ARMC9: variants seen among roughly 807,000 people sequenced by gnomAD.
The protein encoded by ARMC9 is armadillo repeat containing 9.
In ARMC9, 94 loss-of-function variants were observed where a neutral mutation model predicts 107.0. The observed-to-expected ratio is 0.88, with a 90% CI of 0.74 to 1.04. ARMC9 has a LOEUF of 1.04. Ranked by LOEUF, ARMC9 falls within the 50% of genes least tolerant of loss-of-function variation. The pLI is 0.00. For synonymous variants in ARMC9, 380 were observed against 396.9 expected, an observed-to-expected ratio of 0.96 and a Z score of 0.51; for missense variants, 942 against 1,030.1, an observed-to-expected ratio of 0.91 and a Z score of 1.17.
chr2:231,240,347 C>T (rs78396253), intron 9 of ARMC9, among the ~76,000 whole-genome samples: 2,679 of 152,288 alleles, frequency 0.018, 84 homozygotes, highest in African/African-American at 0.062. Context: ...TTTTTAAAAG[C>T]ACTGCCATAG....
At chr2:231,219,767 T>C (rs1211132459) in intron 5 of ARMC9, among the ~76,000 whole-genome samples, 2 of 151,916 alleles carry the variant, frequency 1.3e-5, no homozygotes, top group African/African-American at 4.9e-5. Flanking sequence ...ACCTATTATA[T>C]TCTCCATGTC....
chr2:231,361,914 T>C (rs1217833061), intron 23 of ARMC9, among the ~76,000 whole-genome samples: 2 of 151,456 alleles, frequency 1.3e-5, no homozygotes, highest in African/African-American at 4.9e-5. Flanking sequence ...AGGAGGAGGA[T>C]GTAAGAGAAA....
At position 231,271,022 on chromosome 2, in the gene ARMC9, T is replaced by C. The variant is rs766828552; in HGVS notation, c.1160T>C (p.Val387Ala). Residue 387 changes from valine to alanine, a missense_variant, in exon 13 of 25, where the codon GTG becomes GCG. Val to Ala is a moderately conservative substitution (Grantham distance 64). Coordinates refer to ENST00000611582, the MANE Select transcript of ARMC9 (RefSeq NM_001352754.2). ...TTGCTGCACTCCACGAGCGACGTGG[T>C]GCGGCAGTACATGGCCAGGCTCATC... ...LQLLHSTSDV[V>A]RQYMARLINA... The C allele has an allele frequency of 7.4e-6, 12 of 1,614,076 alleles. No individual in the cohort carries two copies. The highest frequency in any genetic ancestry group is 1.0e-5 in the Non-Finnish European group (12 of 1,180,036).
At position 231,337,404 on chromosome 2, in the gene ARMC9, C is replaced by G. The variant is rs549251733; in HGVS notation, c.1878+5507C>G. Among the ~76,000 whole-genome samples, 31 of 139,038 alleles carry G rather than the reference C, an allele frequency of 2.2e-4. 1 individual carries two copies. The South Asian group carries it at 4.3e-3, about 19-fold the overall frequency. The allele number at this position is 139,038 out of a possible 152,430, so 91.2% of individuals were successfully genotyped here. A position where few individuals can be genotyped will look rare whatever the true frequency, so the allele number is the denominator to read the frequency against. Reference sequence around the variant, plus strand: ...CCTCCGCCTCCCAGGTTCGAGGATTCTCCTGCCTCAGCCTCCTGAGTAGCT... The same window carrying G: ...CCTCCGCCTCCCAGGTTCGAGGATTGTCCTGCCTCAGCCTCCTGAGTAGCT... On this transcript the variant is annotated intron_variant, in intron 20 of 24. Coordinates refer to ENST00000611582, the MANE Select transcript of ARMC9 (RefSeq NM_001352754.2).
chr2:231,253,376 A>G (rs2037477663), intron 9 of ARMC9, among the ~76,000 whole-genome samples: 2 of 152,002 alleles, frequency 1.3e-5, no homozygotes, highest in African/African-American at 2.4e-5. Flanking sequence ...CGGCCTCCCA[A>G]AGTGCTGGGT....
At chr2:231,327,289 G>C (rs2043393151) in intron 19 of ARMC9, among the ~76,000 whole-genome samples, 1 of 152,176 alleles carries the variant, frequency 6.6e-6, no homozygotes, top group Non-Finnish European at 1.5e-5. Context: ...TTCAAGATCA[G>C]AACGTTTCCA....
intron 9 of ARMC9, among the ~76,000 whole-genome samples, chr2:231,252,029 T>G (rs1037632050): frequency 2.0e-4 from 30 of 152,236 alleles, no homozygotes; most frequent in African/African-American, 4.8e-4. Flanking sequence ...TAATAATGTT[T>G]ATCAGACTGG....
intron 19 of ARMC9, among the ~76,000 whole-genome samples, chr2:231,298,395 G>GA (rs747975997): frequency 6.6e-6 from 1 of 152,120 alleles, no homozygotes; most frequent in South Asian, 2.1e-4. Flanking sequence ...AAGTTGGAGG[G>GA]AAAAAAGAGA....
Position 231,334,685 on chromosome 2 carries a change from G to T in ARMC9, c.1878+2788G>T, listed in dbSNP as rs1038207774. On this transcript the variant is annotated intron_variant, in intron 20 of 24. Transcript: ENST00000611582. ...ACGTGGAGCAGTAAGCGCTGAGGCC[G>T]GATGCACTCCCAGCACTGCCCCTGT... 2.6e-5 allele frequency among the ~76,000 whole-genome samples: 4 copies of T among 152,010 alleles called. No individual in the cohort carries two copies. The South Asian group carries it at 8.3e-4, about 32-fold the overall frequency.
intron 19 of ARMC9, among the ~76,000 whole-genome samples, chr2:231,328,389 CAAG>C (rs2043476865): frequency 1.3e-5 from 2 of 152,110 alleles, no homozygotes; most frequent in African/African-American, 2.4e-5. Flanking sequence ...TTTCACCGAA[CAAG>C]TTTTTAAGTT....
In ARMC9 at chr2:231,343,361, G is replaced by T. The variant is rs113751408; in HGVS notation, c.1879-1614G>T. ...GATAAACACAAAGGAATTTTCAGCA[G>T]AAATCAAAGATGAAATTCCAATGTT... On this transcript the variant is annotated intron_variant, in intron 20 of 24. Coordinates refer to ENST00000611582, the MANE Select transcript of ARMC9 (RefSeq NM_001352754.2). 7.8e-3 allele frequency among the ~76,000 whole-genome samples: 1,186 copies of T among 151,152 alleles called. 15 individuals are homozygous for T. Among genetic ancestry groups the T allele is most frequent in the African/African-American group, 0.027 (1,125 of 41,098 alleles).
rs1039171388 is a variant in ARMC9 at position 231,340,258 on chromosome 2, T to G, written c.1879-4717T>G. ...CAGAATTCTCTCAGCTCTGACAACA[T>G]GTGGTTTTTTTCTTCTGGTACCCGG... On this transcript the variant is annotated intron_variant, in intron 20 of 24. Coordinates refer to ENST00000611582, the MANE Select transcript of ARMC9 (RefSeq NM_001352754.2). 1.6e-4 allele frequency among the ~76,000 whole-genome samples: 25 copies of G among 152,198 alleles called. 1 individual carries two copies. Among genetic ancestry groups the G allele is most frequent in the Admixed American group, 1.5e-3 (23 of 15,280 alleles).
At chr2:231,235,521 C>A in intron 8 of ARMC9, 140 bp downstream of exon 8, 3 of 960,762 alleles carry the variant, frequency 3.1e-6, no homozygotes, top group Non-Finnish European at 4.5e-6. Flanking sequence ...TTCCAAAAGC[C>A]AACATGCATG....
At chr2:231,345,520 G>A (rs749594886) in intron 21 of ARMC9, among the ~76,000 whole-genome samples, 3 of 152,170 alleles carry the variant, frequency 2.0e-5, no homozygotes, top group Non-Finnish European at 4.4e-5. Context: ...ACTGGATGCT[G>A]TTTTAGCTGC....
chr2:231,347,942 A>C (rs2044879853), intron 21 of ARMC9, among the ~76,000 whole-genome samples: 1 of 152,234 alleles, frequency 6.6e-6, no homozygotes, highest in South Asian at 2.1e-4. Context: ...AAATCCTTTT[A>C]GGATTTTGAT....
At chr2:231,220,596 CA>C (rs71396668) in intron 5 of ARMC9, among the ~76,000 whole-genome samples, 2,044 of 66,158 alleles carry the variant, frequency 0.031, 14 homozygotes, top group Middle Eastern at 0.14. Flanking sequence ...GACTCCATCT[CA>C]AAAAAAAAAA....
chr2:231,243,794 G>A (rs1210028663), intron 9 of ARMC9, among the ~76,000 whole-genome samples: 1 of 152,200 alleles, frequency 6.6e-6, no homozygotes, highest in African/African-American at 2.4e-5. Context: ...ATATAAAGTT[G>A]ATTTATGATA....
rs2045434010 is a variant in ARMC9 at position 231,358,535 on chromosome 2, G to A, written c.2132-2219G>A. On this transcript the variant is annotated intron_variant, in intron 22 of 24. Coordinates refer to ENST00000611582, the MANE Select transcript of ARMC9 (RefSeq NM_001352754.2). The surrounding 1 kb of genome is among the most constrained non-coding windows in gnomAD (Gnocchi z 4.5). ...ACTCACCTTGCCCCAGGCCCATCCTGGCCCCAGGCAGCGCTCCCCACAGGT... is the reference window on the plus strand; with the variant it reads ...ACTCACCTTGCCCCAGGCCCATCCTAGCCCCAGGCAGCGCTCCCCACAGGT... 6.6e-6 allele frequency among the ~76,000 whole-genome samples: 1 copy of A among 152,110 alleles called. No homozygotes were observed. Among genetic ancestry groups the A allele is most frequent in the South Asian group, 2.1e-4 (1 of 4,820 alleles).
intron 13 of ARMC9, among the ~76,000 whole-genome samples, chr2:231,271,846 CA>C (rs2039351466): frequency 1.3e-5 from 2 of 152,296 alleles, no homozygotes; most frequent in South Asian, 4.1e-4. Flanking sequence ...TACAGGGTCC[CA>C]GGTGTGGCTT....
Sources: allele counts gnomAD v4.1 joint callset (sites outside exome capture counted in the v4.1 genomes callset), GRCh38; gene constraint gnomAD v4.1.1; non-coding constraint Gnocchi (gnomAD v3.1); transcripts MANE v1.5; gene names NCBI Gene and HGNC (gene_info 2026-07-23, HGNC 2026-07-21).